Variants in ZNF572 observed in about 807,000 individuals in gnomAD.
ZNF572 encodes the protein zinc finger protein 572.
Under a neutral mutation model 3.8 loss-of-function variants are expected in ZNF572, and 2 were observed. The observed-to-expected ratio is 0.52, with a 90% CI of 0.21 to 1.65. ZNF572 has a LOEUF of 1.65. Ranked by LOEUF, ZNF572 falls within the 40% of genes most tolerant of loss-of-function variation. The pLI is 0.20. For synonymous variants in ZNF572, 187 were observed against 204.5 expected (o/e 0.91, Z 0.73); for missense variants, 581 against 633.4 (o/e 0.92, Z 0.89).
In ZNF572 at chr8:124,976,873, A is replaced by G. The variant is rs770075542; in HGVS notation, c.605A>G (p.His202Arg). 6.2e-6 allele frequency: 10 copies of G among 1,613,908 alleles called. No individual in the cohort carries two copies. The highest frequency in any genetic ancestry group is 1.3e-5 in the African/African-American group (1 of 74,862). The change falls in exon 3 of 3, where the codon CAT (histidine) becomes CGT (arginine). Residue 202 changes from histidine (H) to arginine (R), a missense_variant. Physicochemically the swap from His to Arg is conservative, Grantham distance 29. Coordinates refer to ENST00000319286, the MANE Select transcript of ZNF572 (RefSeq NM_152412.3). The part of the protein sequence containing the change: ...ECGKSFSNTS[H>R]LIIHERTHTG... ...GGGAAAAGCTTCAGCAATACCTCCC[A>G]TCTTATTATCCATGAGAGAACTCAC...
Position 124,979,157 on chromosome 8 carries a change from A to G in ZNF572, c.*1299A>G, listed in dbSNP as rs761071966. On this transcript the variant is annotated 3_prime_UTR_variant, in exon 3 of 3. Transcript: ENST00000319286. ...TCCTGAGTTGCCCATGATTTCATCTAATTTTTGGATTCAGAATGTATTTTA... is the reference window on the plus strand; with the variant it reads ...TCCTGAGTTGCCCATGATTTCATCTGATTTTTGGATTCAGAATGTATTTTA... The G allele has an allele frequency of 6.6e-6, 1 of 152,600 alleles. No homozygotes were observed. The highest frequency in any genetic ancestry group is 2.4e-5 in the African/African-American group (1 of 41,428). The allele number at this position is 152,600 out of a possible 1,614,324, so 9.5% of individuals were successfully genotyped here.
chr8:124,976,676 A>G lies in ZNF572; in HGVS notation c.408A>G (p.Glu136=). The part of the protein sequence containing the change: ...SFVDRPYKCS[E]CWKSFSNSSH... ...TAGACAGACCCTATAAATGTTCCGAATGTTGGAAAAGCTTCAGTAATAGTT... is the reference window on the plus strand; with the variant it reads ...TAGACAGACCCTATAAATGTTCCGAGTGTTGGAAAAGCTTCAGTAATAGTT... The change falls in exon 3 of 3, where the codon GAA becomes GAG. Residue 136 remains glutamate, a synonymous_variant. Transcript: ENST00000319286. 6.2e-7 allele frequency: 1 copy of G among 1,614,214 alleles called. No individual in the cohort carries two copies. The highest frequency in any genetic ancestry group is 8.5e-7 in the Non-Finnish European group (1 of 1,180,014).
At chr8:124,975,854 G>A in intron 2 of ZNF572, 135 bp downstream of exon 2, 2 of 640,902 alleles carry the variant, frequency 3.1e-6, no homozygotes, top group African/African-American at 1.8e-5. Flanking sequence ...CAGCCTCATT[G>A]TTCTCATCTT....
rs374060020 is a variant in ZNF572, at chr8:124,977,728, G to A, written c.1460G>A (p.Arg487Gln). 1.7e-5 allele frequency: 27 copies of A among 1,614,076 alleles called. No homozygotes were observed. Among genetic ancestry groups the A allele is most frequent in the East Asian group, 1.6e-4 (7 of 44,902 alleles). Reference protein sequence around the residue: ...FSRSAYLSQHRKIHVEKPFES... With the variant: ...FSRSAYLSQHQKIHVEKPFES... ...AGAAGTGCCTACCTCAGTCAGCATC[G>A]GAAAATTCACGTAGAAAAGCCTTTT... Residue 487 changes from arginine to glutamine, a missense_variant, in exon 3 of 3, where the codon CGG becomes CAG. Physicochemically the swap from Arg to Gln is conservative, Grantham distance 43 (BLOSUM62 1). Coordinates refer to ENST00000319286, the MANE Select transcript of ZNF572 (RefSeq NM_152412.3).
rs371100007 is a variant in ZNF572, at chr8:124,976,437, A to T, written c.169A>T (p.Arg57Ter). ...AGAGAAACCTTCAGAATGGTCTAAAAGACATAGACCACAACATTATAAGCA... is the reference window on the plus strand; with the variant it reads ...AGAGAAACCTTCAGAATGGTCTAAATGACATAGACCACAACATTATAAGCA... ...LKEKPSEWSK[R>*]HRPQHYKHED... is the part of the protein sequence containing the mutation. Residue 57 changes from arginine (R) to a stop codon, truncating the protein, a stop_gained, in exon 3 of 3, where the codon AGA becomes TGA. Coordinates refer to ENST00000319286, the MANE Select transcript of ZNF572 (RefSeq NM_152412.3). LOFTEE classifies it low-confidence loss of function (END_TRUNC). The T allele has an allele frequency of 3.7e-6, 6 of 1,613,906 alleles. No homozygotes were observed. In the African/African-American group the frequency reaches 8.0e-5, roughly 22 times the overall value.
chr8:124,973,714 G>T (rs1814466668), intron 1 of ZNF572, among the ~76,000 whole-genome samples: 1 of 152,158 alleles, frequency 6.6e-6, no homozygotes, highest in Admixed American at 6.5e-5. Context: ...AAGGCTTTCT[G>T]ATCAAAGCAC....
chr8:124,976,213 TG>T (rs2129823814), intron 2 of ZNF572, 134 bp from the exon 3 acceptor site: 1 of 721,438 alleles, frequency 1.4e-6, no homozygotes, highest in South Asian at 3.5e-5. Context: ...GAAGTAAAAC[TG>T]TCTTTAAAAA....
Position 124,976,834 on chromosome 8 carries a change from A to G in ZNF572, c.566A>G (p.Gln189Arg). ...ATGCACACAGGAGAGAAGCCCTACCAGTGTGGTGAATGTGGGAAAAGCTTC... is the reference window on the plus strand; with the variant it reads ...ATGCACACAGGAGAGAAGCCCTACCGGTGTGGTGAATGTGGGAAAAGCTTC... ...LRMHTGEKPYQCGECGKSFSN... is the reference protein window; with the variant it reads ...LRMHTGEKPYRCGECGKSFSN... The change falls in exon 3 of 3, where the codon CAG (glutamine) becomes CGG (arginine). Residue 189 changes from glutamine to arginine, a missense_variant. Coordinates refer to ENST00000319286, the MANE Select transcript of ZNF572 (RefSeq NM_152412.3). 1 of 1,614,178 alleles carries G rather than the reference A, an allele frequency of 6.2e-7. No individual in the cohort carries two copies. The highest frequency in any genetic ancestry group is 8.5e-7 in the Non-Finnish European group (1 of 1,180,018).
chr8:124,974,323 T>C (rs1265365649), intron 1 of ZNF572, among the ~76,000 whole-genome samples: 2 of 152,238 alleles, frequency 1.3e-5, no homozygotes, highest in Non-Finnish European at 2.9e-5. Flanking sequence ...CCAAACAGAC[T>C]TGGAGCTCAG....
In ZNF572 at chr8:124,977,129, C is replaced by A. The variant is rs554359247; in HGVS notation, c.861C>A (p.Leu287=). Residue 287 remains leucine, a synonymous_variant, in exon 3 of 3, where the codon CTC becomes CTA. Transcript: ENST00000319286. ...AGAGTTTTAGTCAGAGTTCCAGCCT[C>A]ATTCGCCACCAGCGGACACACACAG... The part of the protein sequence containing the change: ...CGKSFSQSSS[L]IRHQRTHTGE... The A allele has an allele frequency of 6.2e-7, 1 of 1,608,496 alleles. No individual in the cohort carries two copies. The highest frequency in any genetic ancestry group is 8.5e-7 in the Non-Finnish European group (1 of 1,179,958).
Position 124,976,367 on chromosome 8 carries a change from T to C in ZNF572, c.99T>C (p.Asn33=), listed in dbSNP as rs778467046. The C allele has an allele frequency of 6.3e-7, 1 of 1,589,828 alleles. No homozygotes were observed. The highest frequency in any genetic ancestry group is 8.6e-7 in the Non-Finnish European group (1 of 1,168,422). ...SPFTGDTSMN[N]LETVHHNNSK... ...TTGCAGGAGATACAAGTATGAATAA[T>C]TTGGAAACTGTTCACCACAATAATT... Residue 33 remains asparagine, a synonymous_variant, in exon 3 of 3, where the codon AAT becomes AAC. Transcript: ENST00000319286.
rs763268717 is a variant in ZNF572, at chr8:124,976,491, T to C, written c.223T>C (p.Trp75Arg). 7.4e-6 allele frequency: 12 copies of C among 1,613,990 alleles called. No individual in the cohort carries two copies. The highest frequency in any genetic ancestry group is 1.7e-5 in the Admixed American group (1 of 60,002). Residue 75 changes from tryptophan to arginine, a missense_variant, in exon 3 of 3, where the codon TGG becomes CGG. Physicochemically the swap from Trp to Arg is moderately radical, Grantham distance 101. Coordinates refer to ENST00000319286, the MANE Select transcript of ZNF572 (RefSeq NM_152412.3). ...HEDAKEMPLT[W>R]VQDEIWCHDS... ...GGATGCAAAAGAAATGCCACTGACA[T>C]GGGTTCAAGATGAGATTTGGTGTCA... is the stretch of plus-strand genomic sequence containing the variant.
chr8:124,977,399 C>G lies in ZNF572; in HGVS notation c.1131C>G (p.Ile377Met). The change falls in exon 3 of 3, where the codon ATC (isoleucine) becomes ATG (methionine). Residue 377 changes from isoleucine (I) to methionine (M), a missense_variant. Ile to Met is a conservative substitution (Grantham distance 10). Coordinates refer to ENST00000319286, the MANE Select transcript of ZNF572 (RefSeq NM_152412.3). ...QNCNVIEECR[I>M]QLGEKPYRCC... ...GCAATGTGATAGAAGAATGCAGAATCCAGTTAGGAGAGAAACCATATAGAT... is the reference window on the plus strand; with the variant it reads ...GCAATGTGATAGAAGAATGCAGAATGCAGTTAGGAGAGAAACCATATAGAT... 1.2e-6 allele frequency: 2 copies of G among 1,614,010 alleles called. No individual in the cohort carries two copies. Among genetic ancestry groups the G allele is most frequent in the Non-Finnish European group, 1.7e-6 (2 of 1,179,984 alleles).
Position 124,976,512 on chromosome 8 carries a change from T to G in ZNF572, c.244T>G (p.Cys82Gly). 5 of 1,614,126 alleles carry G rather than the reference T, an allele frequency of 3.1e-6. No individual in the cohort carries two copies. The highest frequency in any genetic ancestry group is 4.2e-6 in the Non-Finnish European group (5 of 1,180,014). The stretch of plus-strand genomic sequence containing the variant: ...GACATGGGTTCAAGATGAGATTTGG[T>G]GTCATGATTCCTATGAGAGTGATGG... ...PLTWVQDEIW[C>G]HDSYESDGKS... The change falls in exon 3 of 3, where the codon TGT (cysteine) becomes GGT (glycine). Residue 82 changes from cysteine to glycine, a missense_variant. Transcript: ENST00000319286.
intron 1 of ZNF572, among the ~76,000 whole-genome samples, chr8:124,973,910 G>A (rs1470780609): frequency 6.6e-6 from 1 of 152,186 alleles, no homozygotes; most frequent in African/African-American, 2.4e-5. Flanking sequence ...AGATGGTAAT[G>A]TGTTGCCCAG....
Position 124,974,858 on chromosome 8 carries a change from A to AT in ZNF572, c.-35-742dup, listed in dbSNP as rs1427212198. Reference sequence around the variant, plus strand: ...AGGCGCCCGCCACCACACCCGGCTAATTTTTTGTATTTTTAGTAGAGATGG... The same window carrying AT: ...AGGCGCCCGCCACCACACCCGGCTAATTTTTTTGTATTTTTAGTAGAGATGG... On this transcript the variant is annotated intron_variant, in intron 1 of 2. Transcript: ENST00000319286. Among the ~76,000 whole-genome samples the AT allele has an allele frequency of 1.1e-4, 17 of 152,100 alleles. No homozygotes were observed. The East Asian group carries it at 2.7e-3, about 24-fold the overall frequency.
chr8:124,976,265 T>C lies in ZNF572; in HGVS notation c.80-83T>C, dbSNP rs76594915. On this transcript the variant is annotated intron_variant, in intron 2 of 2. Coordinates refer to ENST00000319286, the MANE Select transcript of ZNF572 (RefSeq NM_152412.3). ...TTATTTATGAGGTTTTACAGTGTTA[T>C]TTCCTCTCTTCCACTGCAATTTAGA... is the stretch of plus-strand genomic sequence containing the variant. 7.3e-3 allele frequency: 8,965 copies of C among 1,231,494 alleles called. 396 individuals are homozygous for C. The African/African-American group carries it at 0.11, about 14-fold the overall frequency. 76.3% of individuals were successfully genotyped at this position (1,231,494 alleles called of 1,614,324 possible). A position where few individuals can be genotyped will look rare whatever the true frequency, so the allele number is the denominator to read the frequency against.
At chr8:124,974,722 T>C (rs1814484025) in intron 1 of ZNF572, among the ~76,000 whole-genome samples, 1 of 152,114 alleles carries the variant, frequency 6.6e-6, no homozygotes, top group Non-Finnish European at 1.5e-5. Context: ...AGAGTCTTGC[T>C]CTGTCACCCA....
rs1201726545 is a variant in ZNF572 at position 124,978,298 on chromosome 8, G to T, written c.*440G>T. ...AATGTGATTTCCTGGCTATTTTGTT[G>T]GGGGCTTAAGATTTTTTTTTTTCAA... On this transcript the variant is annotated 3_prime_UTR_variant, in exon 3 of 3. Transcript: ENST00000319286. The T allele has an allele frequency of 1.3e-5, 2 of 158,494 alleles. No individual in the cohort carries two copies. The highest frequency in any genetic ancestry group is 2.8e-5 in the Non-Finnish European group (2 of 72,644). The allele number at this position is 158,494 out of a possible 1,614,324, so 9.8% of individuals were successfully genotyped here.
Sources: gnomAD v4.1 joint callset for allele counts (sites outside exome capture counted in the v4.1 genomes callset) on GRCh38, gnomAD v4.1.1 for gene constraint, MANE v1.5 for transcripts, NCBI Gene and HGNC (gene_info 2026-07-23, HGNC 2026-07-21) for gene names.